Variants in NDRG1 observed in about 807,000 individuals in gnomAD.
The protein encoded by NDRG1 is protein NDRG1.
In NDRG1, 32 loss-of-function variants were observed where a neutral mutation model predicts 56.9. The ratio of observed to expected loss-of-function variants is 0.56; its 90% CI spans 0.42 to 0.76. The LOEUF (loss-of-function observed/expected upper bound fraction) is 0.76. Ranked by LOEUF, NDRG1 falls within the 30% of genes least tolerant of loss-of-function variation. The pLI, the probability that NDRG1 is intolerant of heterozygous loss-of-function variation, is 0.00. For missense variants in NDRG1, 507 were observed against 545.7 expected (o/e 0.93, Z 0.71); for synonymous variants, 211 against 204.1 (o/e 1.03, Z -0.29).
At chr8:133,249,905 CAG>C (rs1373700246) in intron 10 of NDRG1, among the ~76,000 whole-genome samples, 2 of 152,256 alleles carry the variant, frequency 1.3e-5, no homozygotes, top group Admixed American at 6.5e-5. Context: ...TGGAAGATTA[CAG>C]AGTCTCTGGC....
At chr8:133,264,279 T>C (rs928115759) in intron 4 of NDRG1, among the ~76,000 whole-genome samples, 2 of 152,264 alleles carry the variant, frequency 1.3e-5, no homozygotes, top group African/African-American at 4.8e-5. Flanking sequence ...GAAAACCATA[T>C]GCGTGCATTA....
At chr8:133,250,616 TC>T in intron 9 of NDRG1, 73 bp from the exon 10 acceptor site, 1 of 1,223,350 alleles carries the variant, frequency 8.2e-7, no homozygotes, top group Non-Finnish European at 1.2e-6. Flanking sequence ...CTCTCCATTC[TC>T]CAGGTTATTT....
intron 1 of NDRG1, among the ~76,000 whole-genome samples, chr8:133,292,137 G>A (rs999286178): frequency 1.3e-5 from 2 of 152,224 alleles, no homozygotes; most frequent in Non-Finnish European, 2.9e-5. Flanking sequence ...GGTCTCCTTA[G>A]AGGATTATTT....
chr8:133,256,190 G>C (rs775934475), intron 8 of NDRG1: 100 of 154,668 alleles, frequency 6.5e-4, no homozygotes, highest in Middle Eastern at 6.7e-3. Flanking sequence ...CCTCTGAAAC[G>C]GTGATAAAAA....
At chr8:133,239,160 G>T (rs1319159758) in intron 15 of NDRG1, 41 bp from the exon 16 acceptor site, 2 of 1,549,218 alleles carry the variant, frequency 1.3e-6, no homozygotes, top group Non-Finnish European at 1.7e-6. Context: ...GCAGGAGACT[G>T]CCAGGTGAGG....
At chr8:133,245,786 C>T (rs1855639808) in intron 13 of NDRG1, among the ~76,000 whole-genome samples, 1 of 152,212 alleles carries the variant, frequency 6.6e-6, no homozygotes, top group Non-Finnish European at 1.5e-5. Flanking sequence ...GCAAGCTTGA[C>T]GCCCAGCAGC....
At chr8:133,255,229 C>T in intron 8 of NDRG1, 1 of 453,404 alleles carries the variant, frequency 2.2e-6, no homozygotes, top group Non-Finnish European at 4.4e-6. Context: ...TGGCCCTTGC[C>T]TGCCACAGCC....
At chr8:133,291,058 C>T (rs568925791) in intron 1 of NDRG1, among the ~76,000 whole-genome samples, 8 of 152,264 alleles carry the variant, frequency 5.3e-5, no homozygotes, top group Non-Finnish European at 8.8e-5. Context: ...GCACTCATTC[C>T]CTCGGGGGAG....
At chr8:133,287,868 A>T (rs1858206980) in intron 1 of NDRG1, among the ~76,000 whole-genome samples, 1 of 152,202 alleles carries the variant, frequency 6.6e-6, no homozygotes, top group Non-Finnish European at 1.5e-5. Flanking sequence ...GATTTTAGTA[A>T]TTCCTAGTAG....
intron 1 of NDRG1, among the ~76,000 whole-genome samples, chr8:133,286,261 T>C (rs16904882): frequency 0.023 from 3,477 of 152,314 alleles, 136 homozygotes; most frequent in African/African-American, 0.08. Flanking sequence ...TTTTAAATCA[T>C]TGCTAAACCC....
At chr8:133,264,276 A>G (rs1251576154) in intron 4 of NDRG1, among the ~76,000 whole-genome samples, 1 of 152,230 alleles carries the variant, frequency 6.6e-6, no homozygotes, top group African/African-American at 2.4e-5. Context: ...ACTGAAAACC[A>G]TATGCGTGCA....
At position 133,237,247 on chromosome 8, in the gene NDRG1, G is replaced by A; in HGVS notation, c.*1631C>T. 8.7e-6 allele frequency: 2 copies of A among 228,746 alleles called. No homozygotes were observed. Among genetic ancestry groups the A allele is most frequent in the Non-Finnish European group, 1.7e-5 (2 of 115,254 alleles). The allele number at this position is 228,746 out of a possible 1,614,324, so 14.2% of individuals were successfully genotyped here. A position where few individuals can be genotyped will look rare whatever the true frequency, so the allele number is the denominator to read the frequency against. ...TTAAGAAACTCCTCTGGAAAGACTT[G>A]TGCACAATAGTTTCCCATCCGTACT... On this transcript the variant is annotated 3_prime_UTR_variant, in exon 16 of 16. Transcript: ENST00000323851.
chr8:133,284,192 T>G lies in NDRG1; in HGVS notation c.63+57A>C, dbSNP rs376566472. 1.3e-4 allele frequency: 199 copies of G among 1,528,742 alleles called. 1 individual carries two copies. The African/African-American group carries it at 2.4e-3, about 18-fold the overall frequency. The allele number at this position is 1,528,742 out of a possible 1,614,324, so 94.7% of individuals were successfully genotyped here. On this transcript the variant is annotated intron_variant, in intron 2 of 15. Coordinates refer to ENST00000323851, the MANE Select transcript of NDRG1 (RefSeq NM_006096.4). ...ACAAGTGTGAGCTCCGGTGTGCCTG[T>G]GTGTGTCTATGTGCACATGTGCCTG...
chr8:133,245,481 A>G (rs960048921), intron 13 of NDRG1, among the ~76,000 whole-genome samples: 2 of 152,164 alleles, frequency 1.3e-5, no homozygotes, highest in Admixed American at 6.5e-5. Flanking sequence ...TTAAAAGAAG[A>G]AGGAAATTTG....
chr8:133,253,298 C>T (rs766809997), intron 9 of NDRG1, among the ~76,000 whole-genome samples: 2 of 152,194 alleles, frequency 1.3e-5, no homozygotes, highest in Non-Finnish European at 2.9e-5. Context: ...ATCTCAGAGC[C>T]AGGCAGCAGC....
intron 1 of NDRG1, among the ~76,000 whole-genome samples, chr8:133,289,390 T>C (rs1161105185): frequency 6.6e-6 from 1 of 152,024 alleles, no homozygotes; most frequent in African/African-American, 2.4e-5. Flanking sequence ...AGGACATCTG[T>C]GAGGATGTGG....
At position 133,259,405 on chromosome 8, in the gene NDRG1, T is replaced by C. The variant is rs7839335; in HGVS notation, c.327-175A>G. 0.13 allele frequency: 86,791 copies of C among 662,866 alleles called. 6,484 individuals carry two copies. Among genetic ancestry groups the C allele is most frequent in the African/African-American group, 0.21 (11,547 of 54,960 alleles). 41.1% of individuals were successfully genotyped at this position (662,866 alleles called of 1,614,324 possible). ...CTTCCAAGACCCCTGCAGCACACTC[T>C]ATCAATTGCTTCCTACGCTCCAGGT... On this transcript the variant is annotated intron_variant, in intron 5 of 15. Transcript: ENST00000323851.
chr8:133,296,726 C>A, intron 1 of NDRG1: 1 of 330,540 alleles, frequency 3.0e-6, no homozygotes, highest in African/African-American at 2.2e-5. Context: ...CACACACACA[C>A]ACACACTCAC....
intron 2 of NDRG1, 115 bp downstream of exon 2, chr8:133,284,134 G>A: frequency 1.1e-6 from 1 of 910,938 alleles, no homozygotes; most frequent in Non-Finnish European, 1.8e-6. Context: ...CTGTATACAT[G>A]TGTATTTGTG....
Sources: allele counts gnomAD v4.1 joint callset (sites outside exome capture counted in the v4.1 genomes callset), GRCh38; gene constraint gnomAD v4.1.1; transcripts MANE v1.5; gene names NCBI Gene and HGNC (gene_info 2026-07-23, HGNC 2026-07-21).